The following DSCAML1 variants were observed in gnomAD, a reference collection of about 807,000 sequenced individuals.
DSCAML1 encodes the protein cell adhesion molecule DSCAML1.
A neutral mutation model predicts 200.5 loss-of-function variants in DSCAML1; 38 were observed. That is an observed-to-expected ratio of 0.19 (90% CI 0.15 to 0.25). The LOEUF is 0.25. Among genes scored for constraint, DSCAML1 ranks in the 10% least tolerant of loss-of-function variants. The pLI is 1.00. For missense variants in DSCAML1, 2,223 were observed against 2,858.8 expected, an observed-to-expected ratio of 0.78 and a Z score of 5.07; for synonymous variants, 1,215 against 1,165.0, an observed-to-expected ratio of 1.04 and a Z score of -0.87.
chr11:117,729,426 A>G (rs570767435), intron 3 of DSCAML1, among the ~76,000 whole-genome samples: 75 of 152,222 alleles, frequency 4.9e-4, no homozygotes, highest in Non-Finnish European at 1.0e-3. Flanking sequence ...GGTACATTGG[A>G]TTCCATCATA....
chr11:117,513,616 C>A (rs1397056514), intron 8 of DSCAML1, among the ~76,000 whole-genome samples: 1 of 151,974 alleles, frequency 6.6e-6, no homozygotes, highest in Non-Finnish European at 1.5e-5. Flanking sequence ...TGGCGTGCGC[C>A]TGTAGTCCCA....
At chr11:117,674,943 T>A (rs967715877) in intron 3 of DSCAML1, among the ~76,000 whole-genome samples, 6 of 152,128 alleles carry the variant, frequency 3.9e-5, no homozygotes, top group Non-Finnish European at 7.4e-5. Flanking sequence ...GGTATAGATT[T>A]GTGCAAGGTA....
At chr11:117,510,340 G>C (rs935631409) in intron 8 of DSCAML1, among the ~76,000 whole-genome samples, 1 of 152,184 alleles carries the variant, frequency 6.6e-6, no homozygotes. Flanking sequence ...ACCCATTTAA[G>C]TGACTGTGGG....
At chr11:117,779,369 A>G in intron 2 of DSCAML1, among the ~76,000 whole-genome samples, 1 of 152,212 alleles carries the variant, frequency 6.6e-6, no homozygotes, top group East Asian at 1.9e-4. Context: ...CATAATCCAG[A>G]GAAATAAGAC....
chr11:117,766,065 T>C (rs1209721908), intron 3 of DSCAML1, among the ~76,000 whole-genome samples: 1 of 152,228 alleles, frequency 6.6e-6, no homozygotes, highest in Non-Finnish European at 1.5e-5. Context: ...TAAACCTTCC[T>C]CTAGGCATTC....
At chr11:117,744,835 G>C (rs551128217) in intron 3 of DSCAML1, among the ~76,000 whole-genome samples, 1 of 152,372 alleles carries the variant, frequency 6.6e-6, no homozygotes, top group African/African-American at 2.4e-5. Flanking sequence ...AGGCAAAGGG[G>C]AAGGAAGTCA....
rs2047699515 is a variant in DSCAML1 at position 117,428,229 on chromosome 11, G to T, written c.*99C>A. On this transcript the variant is annotated 3_prime_UTR_variant, in exon 33 of 33. Transcript: ENST00000651296. ...TTTGTTTTGTCGTTGGTTGGTTTTT[G>T]TCTGTCAGTTGAATATAAATAATGC... 1.4e-6 allele frequency: 1 copy of T among 738,708 alleles called. No individual in the cohort carries two copies. Among genetic ancestry groups the T allele is most frequent in the African/African-American group, 1.9e-5 (1 of 53,846 alleles). 45.8% of individuals were successfully genotyped at this position (738,708 alleles called of 1,614,324 possible).
At chr11:117,537,272 T>C (rs2050188422) in intron 3 of DSCAML1, among the ~76,000 whole-genome samples, 1 of 152,232 alleles carries the variant, frequency 6.6e-6, no homozygotes, top group Non-Finnish European at 1.5e-5. Context: ...CTCCAGGTCT[T>C]GGTCTGGGCA....
chr11:117,541,842 G>A lies in DSCAML1; in HGVS notation c.512-9320C>T, dbSNP rs76148861. 2.2e-3 allele frequency among the ~76,000 whole-genome samples: 330 copies of A among 151,574 alleles called. 1 individual carries two copies. The highest frequency in any genetic ancestry group is 4.1e-3 in the Non-Finnish European group (276 of 67,930). On this transcript the variant is annotated intron_variant, in intron 3 of 32. Transcript: ENST00000651296. The stretch of plus-strand genomic sequence containing the variant: ...ACAGACACTCCCTCAGTAGCATCCC[G>A]GCTTCTGTGTCCCTCTCCGACTAAA...
rs750411861 is a variant in DSCAML1, at chr11:117,644,287, G to T, written c.512-111765C>A. ...ATTTTAGAATCCCAAAGTGCAAGAAGTCCCCGACTCCAGCCCTCATTTTAA... is the reference window on the plus strand; with the variant it reads ...ATTTTAGAATCCCAAAGTGCAAGAATTCCCCGACTCCAGCCCTCATTTTAA... On this transcript the variant is annotated intron_variant, in intron 3 of 32. Coordinates refer to ENST00000651296, the MANE Select transcript of DSCAML1 (RefSeq NM_020693.4). Among the ~76,000 whole-genome samples, 31 of 152,252 alleles carry T rather than the reference G, an allele frequency of 2.0e-4. 1 individual carries two copies. Among genetic ancestry groups the T allele is most frequent in the Non-Finnish European group, 2.8e-4 (19 of 68,046 alleles).
Position 117,504,846 on chromosome 11 carries a change from C to A in DSCAML1, c.2182+78G>T. The A allele has an allele frequency of 1.3e-6, 2 of 1,514,626 alleles. No individual in the cohort carries two copies. The highest frequency in any genetic ancestry group is 8.9e-7 in the Non-Finnish European group (1 of 1,126,544). The allele number at this position is 1,514,626 out of a possible 1,614,324, so 93.8% of individuals were successfully genotyped here. A position where few individuals can be genotyped will look rare whatever the true frequency, so the allele number is the denominator to read the frequency against. On this transcript the variant is annotated intron_variant, in intron 10 of 32. Coordinates refer to ENST00000651296, the MANE Select transcript of DSCAML1 (RefSeq NM_020693.4). This position sits in a 1 kb window ranked among gnomAD's most constrained non-coding sequence, Gnocchi z 5.0. ...AGGGATAGGAGTTGCCTGCATGGAA[C>A]AGGTTCAAATCCCACAGAGCATCCT...
At chr11:117,479,386 T>C (rs2048861945) in intron 14 of DSCAML1, among the ~76,000 whole-genome samples, 1 of 152,216 alleles carries the variant, frequency 6.6e-6, no homozygotes, top group Non-Finnish European at 1.5e-5. Context: ...TTTTGAGGAG[T>C]GAATACAGGC....
At chr11:117,556,203 A>G (rs1222717705) in intron 3 of DSCAML1, among the ~76,000 whole-genome samples, 1 of 152,198 alleles carries the variant, frequency 6.6e-6, no homozygotes, top group Admixed American at 6.5e-5. Flanking sequence ...GAAAGAGCTC[A>G]GTGACCCTGC....
intron 20 of DSCAML1, among the ~76,000 whole-genome samples, chr11:117,445,216 T>A (rs2048152930): frequency 6.6e-6 from 1 of 152,168 alleles, no homozygotes; most frequent in Non-Finnish European, 1.5e-5. Flanking sequence ...CCCCAGGCCA[T>A]CTGCAGGGAA....
At chr11:117,816,782 G>C (rs1009920495) in intron 1 of DSCAML1, among the ~76,000 whole-genome samples, 5 of 141,728 alleles carry the variant, frequency 3.5e-5, no homozygotes, top group Admixed American at 3.0e-4. Context: ...GTACAAGAGA[G>C]AGAGTTCGGA....
intron 3 of DSCAML1, among the ~76,000 whole-genome samples, chr11:117,548,971 T>C (rs1363879528): frequency 6.6e-6 from 1 of 152,070 alleles, no homozygotes. Context: ...AGAAAACGGG[T>C]CTTACTGGTT....
At chr11:117,492,576 T>C (rs2049203944) in intron 11 of DSCAML1, among the ~76,000 whole-genome samples, 1 of 152,172 alleles carries the variant, frequency 6.6e-6, no homozygotes, top group Non-Finnish European at 1.5e-5. Context: ...GCCCCTCCTT[T>C]TCCCCAACCC....
intron 21 of DSCAML1, 147 bp downstream of exon 21, chr11:117,443,739 G>T: frequency 8.7e-7 from 1 of 1,144,208 alleles, no homozygotes; most frequent in Non-Finnish European, 1.2e-6. Flanking sequence ...GTCTTGGTGT[G>T]TGCGGGAGGC....
chr11:117,451,900 T>C (rs1017011175), intron 19 of DSCAML1, among the ~76,000 whole-genome samples: 1 of 152,196 alleles, frequency 6.6e-6, no homozygotes, highest in East Asian at 1.9e-4. Flanking sequence ...ATTTTTGCAT[T>C]CTGTCTCTAA....
Sources: gnomAD v4.1 joint callset for allele counts (sites outside exome capture counted in the v4.1 genomes callset) on GRCh38, gnomAD v4.1.1 for gene constraint, Gnocchi (gnomAD v3.1) non-coding constraint, MANE v1.5 for transcripts, NCBI Gene and HGNC (gene_info 2026-07-23, HGNC 2026-07-21) for gene names.